OR9Q1: variants seen among roughly 807,000 people sequenced by gnomAD.
The protein encoded by OR9Q1 is olfactory receptor 9Q1.
For synonymous variants in OR9Q1, 153 were observed against 148.6 expected, an observed-to-expected ratio of 1.03 and a Z score of -0.22; for missense variants, 374 against 378.8, an observed-to-expected ratio of 0.99 and a Z score of 0.11.
intron 2 of OR9Q1, among the ~76,000 whole-genome samples, chr11:58,087,571 A>G (rs1030023538): frequency 1.3e-5 from 2 of 151,986 alleles, no homozygotes; most frequent in Non-Finnish European, 1.5e-5. Context: ...ATCTTACTTT[A>G]AGTTCTGGGA....
At chr11:58,132,442 A>G (rs1202684542) in intron 2 of OR9Q1, among the ~76,000 whole-genome samples, 1 of 152,194 alleles carries the variant, frequency 6.6e-6, no homozygotes, top group African/African-American at 2.4e-5. Flanking sequence ...GGCATAGAAT[A>G]AAAATAGTAT....
intron 2 of OR9Q1, among the ~76,000 whole-genome samples, chr11:58,156,590 G>C (rs978528087): frequency 1.3e-5 from 2 of 151,998 alleles, no homozygotes; most frequent in African/African-American, 4.8e-5. Flanking sequence ...TAATTGTATA[G>C]GTATTTTACT....
chr11:58,166,549 C>T (rs999867017), intron 2 of OR9Q1, among the ~76,000 whole-genome samples: 1 of 152,074 alleles, frequency 6.6e-6, no homozygotes, highest in African/African-American at 2.4e-5. Flanking sequence ...TAATTTTTTC[C>T]AATAACAAAC....
intron 1 of OR9Q1, among the ~76,000 whole-genome samples, chr11:58,024,327 C>T (rs1352348609): frequency 1.3e-5 from 2 of 151,832 alleles, no homozygotes; most frequent in Non-Finnish European, 1.5e-5. Flanking sequence ...CCACCCACTG[C>T]GCCTGCTCAC....
intron 1 of OR9Q1, among the ~76,000 whole-genome samples, chr11:58,037,498 CA>C (rs1853111908): frequency 6.6e-6 from 1 of 151,042 alleles, no homozygotes; most frequent in Admixed American, 6.6e-5. Flanking sequence ...GAAAAGAAAG[CA>C]AAACATACTG....
chr11:58,177,552 C>G (rs1854617413), intron 2 of OR9Q1, among the ~76,000 whole-genome samples: 1 of 152,134 alleles, frequency 6.6e-6, no homozygotes, highest in East Asian at 1.9e-4. Flanking sequence ...CTTATAAAAG[C>G]ATTTTTGGTA....
chr11:58,067,354 C>A lies in OR9Q1; in HGVS notation c.-15+11407C>A, dbSNP rs1378090892. ...CCCGGTCCTGTTTTTGGCTTGAATT[C>A]TATTCCCAAATCTGCTGCGAATTCT... is the stretch of plus-strand genomic sequence containing the variant. On this transcript the variant is annotated intron_variant, in intron 2 of 2. Coordinates refer to ENST00000335397, the MANE Select transcript of OR9Q1 (RefSeq NM_001005212.4). 2.0e-5 allele frequency among the ~76,000 whole-genome samples: 3 copies of A among 152,136 alleles called. No homozygotes were observed. The East Asian group carries it at 5.8e-4, about 29-fold the overall frequency.
intron 2 of OR9Q1, among the ~76,000 whole-genome samples, chr11:58,133,360 G>A (rs1280774539): frequency 1.3e-5 from 2 of 152,182 alleles, no homozygotes; most frequent in Admixed American, 1.3e-4. Flanking sequence ...AGGGCTGAAG[G>A]CATAAGGGGA....
At chr11:58,142,446 C>A (rs1432645887) in intron 2 of OR9Q1, among the ~76,000 whole-genome samples, 1 of 152,110 alleles carries the variant, frequency 6.6e-6, no homozygotes, top group African/African-American at 2.4e-5. Context: ...GGGAGAAGAT[C>A]AGGGTAAGAT....
intron 2 of OR9Q1, chr11:58,119,032 G>T: frequency 4.3e-6 from 7 of 1,613,966 alleles, no homozygotes; most frequent in Non-Finnish European, 5.9e-6. Flanking sequence ...GCAGAGCCTG[G>T]GATTCATGGC....
intron 2 of OR9Q1, chr11:58,118,403 T>C: frequency 1.3e-6 from 1 of 770,696 alleles, no homozygotes; most frequent in Non-Finnish European, 2.1e-6. Flanking sequence ...CTGTCTTCTC[T>C]GTTTGTGGGT....
At chr11:58,045,611 A>C (rs79618533) in intron 1 of OR9Q1, among the ~76,000 whole-genome samples, 4 of 152,228 alleles carry the variant, frequency 2.6e-5, no homozygotes, top group Non-Finnish European at 5.9e-5. Flanking sequence ...AGTGACCAGA[A>C]TCATGAGTGC....
intron 2 of OR9Q1, among the ~76,000 whole-genome samples, chr11:58,075,025 G>A (rs1308211825): frequency 1.3e-5 from 2 of 152,166 alleles, no homozygotes; most frequent in African/African-American, 4.8e-5. Context: ...AGTATAGTTT[G>A]AAGTCAGGTA....
chr11:58,071,825 C>T (rs1411968697), intron 2 of OR9Q1, among the ~76,000 whole-genome samples: 1 of 152,158 alleles, frequency 6.6e-6, no homozygotes. Flanking sequence ...ACAAATCTAT[C>T]TAATAAATAA....
At chr11:58,167,953 G>A (rs1854520451) in intron 2 of OR9Q1, among the ~76,000 whole-genome samples, 1 of 152,152 alleles carries the variant, frequency 6.6e-6, no homozygotes, top group African/African-American at 2.4e-5. Flanking sequence ...TCTCTTGAAG[G>A]GTGGAGCTGC....
chr11:58,086,564 A>G lies in OR9Q1; in HGVS notation c.-15+30617A>G, dbSNP rs76675706. Among the ~76,000 whole-genome samples the G allele has an allele frequency of 4.1e-4, 63 of 152,072 alleles. 1 individual carries two copies. In the East Asian group the frequency reaches 0.011, roughly 26 times the overall value. On this transcript the variant is annotated intron_variant, in intron 2 of 2. Transcript: ENST00000335397. ...AAAAAAAATCTACCATCCCATGTTC[A>G]TTGAATCATTCTTCACAATAGCTCA...
At chr11:58,100,934 T>A (rs1853777601) in intron 2 of OR9Q1, among the ~76,000 whole-genome samples, 1 of 152,122 alleles carries the variant, frequency 6.6e-6, no homozygotes, top group South Asian at 2.1e-4. Context: ...AACTATCACA[T>A]TTTCTCATTC....
At chr11:58,080,820 C>A (rs1293999841) in intron 2 of OR9Q1, among the ~76,000 whole-genome samples, 1 of 151,892 alleles carries the variant, frequency 6.6e-6, no homozygotes, top group Non-Finnish European at 1.5e-5. Flanking sequence ...TGTCCTTGGA[C>A]CATTTTTTAA....
intron 2 of OR9Q1, among the ~76,000 whole-genome samples, chr11:58,088,970 G>T (rs993325173): frequency 1.3e-4 from 20 of 151,676 alleles, no homozygotes; most frequent in Non-Finnish European, 2.2e-4. Context: ...TCCACCTCAT[G>T]GGTTCAAGCG....
Sources: allele counts gnomAD v4.1 joint callset (sites outside exome capture counted in the v4.1 genomes callset), GRCh38; gene constraint gnomAD v4.1.1; transcripts MANE v1.5; gene names NCBI Gene and HGNC (gene_info 2026-07-23, HGNC 2026-07-21).